Variants in TJP2 observed in about 807,000 individuals in gnomAD.
The protein encoded by TJP2 is Friedreich ataxia region gene X104 (tight junction protein ZO-2).
In TJP2, 91 loss-of-function variants were observed where a neutral mutation model predicts 133.1. That is an observed-to-expected ratio of 0.68 (90% CI 0.58 to 0.81). The LOEUF is 0.81. TJP2 is among the 40% of genes least tolerant of loss of function. The probability of loss-of-function intolerance (pLI) is 0.00; values close to 1 mark genes in which losing one functional copy is unlikely to be tolerated. For missense variants in TJP2, 1,541 were observed against 1,565.6 expected (o/e 0.98, Z 0.26); for synonymous variants, 592 against 583.4 (o/e 1.01, Z -0.21).
At chr9:69,239,798 A>G (rs950757857) in intron 16 of TJP2, 139 bp from the exon 17 acceptor site, 1 of 848,510 alleles carries the variant, frequency 1.2e-6, no homozygotes. Flanking sequence ...TGGGCAACAG[A>G]GCAAGAATCT....
At chr9:69,137,523 C>T (rs1263406248) in intron 1 of TJP2, among the ~76,000 whole-genome samples, 1 of 151,198 alleles carries the variant, frequency 6.6e-6, no homozygotes, top group East Asian at 1.9e-4. Flanking sequence ...CCACCAGGCC[C>T]GGCCAATTTT....
Position 69,210,742 on chromosome 9 carries a change from CTTTTT to C in TJP2, c.61-1789_61-1785del, listed in dbSNP as rs200516626. On this transcript the variant is annotated intron_variant, in intron 1 of 22. Transcript: ENST00000377245. Reference sequence around the variant, plus strand: ...TGGCCTTTTTCAGGTATTTTGAGTTCTTTTTTTTTTTTTTTTTTTTTCTTATTAAA... The same window carrying C: ...TGGCCTTTTTCAGGTATTTTGAGTTCTTTTTTTTTTTTTTTTCTTATTAAA... Among the ~76,000 whole-genome samples the C allele has an allele frequency of 2.1e-3, 245 of 117,852 alleles. 1 individual carries two copies. The highest frequency in any genetic ancestry group is 4.5e-3 in the South Asian group (16 of 3,564). The allele number at this position is 117,852 out of a possible 152,430, so 77.3% of individuals were successfully genotyped here. A position where few individuals can be genotyped will look rare whatever the true frequency, so the allele number is the denominator to read the frequency against.
intron 2 of TJP2, among the ~76,000 whole-genome samples, chr9:69,159,800 C>T (rs990390364): frequency 1.3e-5 from 2 of 150,140 alleles, no homozygotes; most frequent in Non-Finnish European, 3.0e-5. Flanking sequence ...CACTTGAACC[C>T]GGGTGGCAGA....
chr9:69,221,112 G>GACCTCAGCCGGGACCGGA lies in TJP2; in HGVS notation c.569_586dup (p.Arg195_Ser196insAsnLeuSerArgAspArg), dbSNP rs745998291. On this transcript the variant is annotated inframe_insertion, in exon 5 of 23. Transcript: ENST00000377245. ...TGAGCGGGCCCGGAGCCGGGAGCGG[G>GACCTCAGCCGGGACCGGA]ACCTCAGCCGGGACCGGAGCCGTGG... 2.5e-6 allele frequency: 4 copies of GACCTCAGCCGGGACCGGA among 1,585,148 alleles called. No individual in the cohort carries two copies. The South Asian group carries it at 4.6e-5, about 18-fold the overall frequency.
upstream of TJP2, among the ~76,000 whole-genome samples, chr9:69,172,541 T>C (rs1478491065): frequency 2.6e-5 from 4 of 152,208 alleles, no homozygotes; most frequent in Non-Finnish European, 4.4e-5. Flanking sequence ...GTCATCTTAT[T>C]GAACAGTGCC....
intron 1 of TJP2, among the ~76,000 whole-genome samples, chr9:69,199,095 TC>T (rs1003184947): frequency 6.6e-6 from 1 of 152,214 alleles, no homozygotes; most frequent in Non-Finnish European, 1.5e-5. Flanking sequence ...AAAACCAATT[TC>T]CTGGGGGCAG....
intron 1 of TJP2, among the ~76,000 whole-genome samples, chr9:69,144,175 A>C (rs1351199678): frequency 6.6e-6 from 1 of 152,072 alleles, no homozygotes; most frequent in Non-Finnish European, 1.5e-5. Context: ...CAACACTCAA[A>C]TTTTTAAAGC....
intron 1 of TJP2, among the ~76,000 whole-genome samples, chr9:69,208,520 C>G (rs762847235): frequency 3.3e-5 from 5 of 152,186 alleles, no homozygotes; most frequent in African/African-American, 4.8e-5. Context: ...AAGCCAGATT[C>G]ATTCTACTTG....
chr9:69,194,980 C>T (rs1305515936), intron 1 of TJP2, among the ~76,000 whole-genome samples: 1 of 152,218 alleles, frequency 6.6e-6, no homozygotes, highest in Non-Finnish European at 1.5e-5. Context: ...CTAGGTGGTA[C>T]TAATGTGTCC....
At chr9:69,243,908 C>T (rs1830737511) in intron 17 of TJP2, among the ~76,000 whole-genome samples, 1 of 117,994 alleles carries the variant, frequency 8.5e-6, no homozygotes, top group South Asian at 3.0e-4. Flanking sequence ...TTCAGCTGGG[C>T]ATGGTGGCTC....
At chr9:69,137,304 CT>C (rs370683419) in intron 1 of TJP2, among the ~76,000 whole-genome samples, 2,384 of 77,956 alleles carry the variant, frequency 0.031, 47 homozygotes, top group East Asian at 0.061. Flanking sequence ...TCTTTCTTTT[CT>C]TTTCTTTTCT....
At chr9:69,202,173 G>A (rs189471354) in intron 1 of TJP2, among the ~76,000 whole-genome samples, 1 of 152,322 alleles carries the variant, frequency 6.6e-6, no homozygotes, top group East Asian at 1.9e-4. Flanking sequence ...GGCATCTGGT[G>A]AGGGCAGCTC....
intron 1 of TJP2, among the ~76,000 whole-genome samples, chr9:69,122,384 G>A (rs963285866): frequency 1.3e-5 from 2 of 152,194 alleles, no homozygotes; most frequent in Non-Finnish European, 2.9e-5. Flanking sequence ...AAGCTTGACC[G>A]TACAGCCCTG....
chr9:69,238,507 C>T lies in TJP2; in HGVS notation c.2276-203C>T, dbSNP rs377428710. 1.5e-4 allele frequency among the ~76,000 whole-genome samples: 23 copies of T among 152,256 alleles called. No individual in the cohort carries two copies. The East Asian group carries it at 3.5e-3, about 23-fold the overall frequency. ...TTTGAAGAATCCAAGCTAGTTGTCT[C>T]CTAGAATGCTTCCTGTTGGACTGGC... On this transcript the variant is annotated intron_variant, in intron 15 of 22. Coordinates refer to ENST00000377245, the MANE Select transcript of TJP2 (RefSeq NM_004817.4).
rs747825212 is a variant in TJP2 at position 69,234,440 on chromosome 9, T to C, written c.1673T>C (p.Val558Ala). The change falls in exon 12 of 23, where the codon GTG becomes GCG. Residue 558 changes from valine (V) to alanine (A), a missense_variant and splice_region_variant. Val to Ala is a moderately conservative substitution (Grantham distance 64, BLOSUM62 0). Transcript: ENST00000377245. ...TTTTCTGTTTTTCCTTCCTAATAGG[T>C]GAACACACAGGATTTCAGAGGATTA... is the stretch of plus-strand genomic sequence containing the variant. ...GLQEGDQILK[V>A]NTQDFRGLVR... The C allele has an allele frequency of 1.1e-5, 17 of 1,587,740 alleles. No homozygotes were observed. The Admixed American group carries it at 2.8e-4, about 26-fold the overall frequency.
intron 1 of TJP2, among the ~76,000 whole-genome samples, chr9:69,192,902 T>A (rs1826297117): frequency 6.7e-6 from 1 of 149,964 alleles, no homozygotes; most frequent in South Asian, 2.1e-4. Flanking sequence ...AGGGTCTTCC[T>A]TTCTTCCTTC....
At chr9:69,235,210 G>C (rs538101546) in intron 12 of TJP2, among the ~76,000 whole-genome samples, 5 of 152,340 alleles carry the variant, frequency 3.3e-5, no homozygotes, top group African/African-American at 1.2e-4. Context: ...AGAGCCAATG[G>C]TGTAGTTCCA....
At chr9:69,139,091 C>T (rs1464365660) in intron 1 of TJP2, among the ~76,000 whole-genome samples, 1 of 151,942 alleles carries the variant, frequency 6.6e-6, no homozygotes, top group African/African-American at 2.4e-5. Context: ...GTGGCTCACA[C>T]CTGTAATCCC....
At chr9:69,252,124 A>G (rs1831381606) in intron 21 of TJP2, among the ~76,000 whole-genome samples, 2 of 152,184 alleles carry the variant, frequency 1.3e-5, no homozygotes, top group South Asian at 4.1e-4. Context: ...CCTCCTGAAT[A>G]GCTGTAACCA....
Sources: allele counts gnomAD v4.1 joint callset (sites outside exome capture counted in the v4.1 genomes callset), GRCh38; gene constraint gnomAD v4.1.1; transcripts MANE v1.5; gene names NCBI Gene and HGNC (gene_info 2026-07-23, HGNC 2026-07-21).